The following GALNT17 variants were observed in gnomAD, a reference collection of about 807,000 sequenced individuals.
GALNT17 encodes the protein UDP-GalNAc:polypeptide N-acetylgalactosaminyltransferase-like 3.
GALNT17 carries 29 observed loss-of-function variants against 63.7 expected under a neutral mutation model. The ratio of observed to expected loss-of-function variants is 0.46; its 90% confidence interval spans 0.34 to 0.62. The LOEUF is 0.62. GALNT17 is among the 20% of genes least tolerant of loss of function. GALNT17 has a pLI of 0.01. For missense variants in GALNT17, 603 were observed against 799.6 expected, an observed-to-expected ratio of 0.75 and a Z score of 2.97; for synonymous variants, 305 against 318.3, an observed-to-expected ratio of 0.96 and a Z score of 0.45.
chr7:71,411,548 C>A (rs1206763479), intron 3 of GALNT17, among the ~76,000 whole-genome samples: 1 of 152,118 alleles, frequency 6.6e-6, no homozygotes. Flanking sequence ...TCTTGCACCC[C>A]ACCTCTTCTT....
intron 5 of GALNT17, among the ~76,000 whole-genome samples, chr7:71,448,357 A>ATGTGTGTG (rs113851150): frequency 1.1e-4 from 16 of 147,586 alleles, no homozygotes; most frequent in Admixed American, 2.0e-4. Flanking sequence ...CTTCGTGTGT[A>ATGTGTGTG]TGTGTGTGTG....
chr7:71,237,636 A>G (rs541579759), intron 1 of GALNT17, among the ~76,000 whole-genome samples: 27 of 152,130 alleles, frequency 1.8e-4, no homozygotes, highest in Admixed American at 5.9e-4. Flanking sequence ...TGCGAGTTAT[A>G]ATCAGGCTAT....
intron 5 of GALNT17, among the ~76,000 whole-genome samples, chr7:71,522,453 C>T (rs942084967): frequency 6.6e-6 from 1 of 152,122 alleles, no homozygotes; most frequent in African/African-American, 2.4e-5. Context: ...CAAGGAGGAG[C>T]AAGTCACGTT....
intron 1 of GALNT17, among the ~76,000 whole-genome samples, chr7:71,276,702 T>C (rs1278689973): frequency 1.3e-5 from 2 of 152,142 alleles, no homozygotes; most frequent in Non-Finnish European, 2.9e-5. Flanking sequence ...CTTTTCTTTA[T>C]AAATTACCCA....
At chr7:71,699,171 CAAAAAAA>C (rs59124269) in intron 9 of GALNT17, among the ~76,000 whole-genome samples, 1 of 77,294 alleles carries the variant, frequency 1.3e-5, no homozygotes, top group African/African-American at 4.9e-5. Flanking sequence ...GACTCCATCT[CAAAAAAA>C]AAAAAAAAAA....
chr7:71,476,433 T>C (rs1787723883), intron 5 of GALNT17, among the ~76,000 whole-genome samples: 1 of 150,342 alleles, frequency 6.7e-6, no homozygotes. Context: ...GGTGAAAAAA[T>C]ACTTACTCAC....
intron 5 of GALNT17, among the ~76,000 whole-genome samples, chr7:71,499,777 T>C (rs912303966): frequency 3.9e-5 from 6 of 152,206 alleles, no homozygotes; most frequent in African/African-American, 1.4e-4. Flanking sequence ...TGATATGGTT[T>C]GGCTGTGTCC....
intron 4 of GALNT17, among the ~76,000 whole-genome samples, chr7:71,418,043 G>A (rs1434729250): frequency 1.3e-5 from 2 of 152,154 alleles, no homozygotes; most frequent in African/African-American, 2.4e-5. Context: ...CCCTGGTGCT[G>A]TTCTAGGTTT....
chr7:71,263,558 G>A (rs919327331), intron 1 of GALNT17, among the ~76,000 whole-genome samples: 4 of 152,140 alleles, frequency 2.6e-5, no homozygotes, highest in Non-Finnish European at 5.9e-5. Flanking sequence ...GCCTCCTTGG[G>A]TTTTCCTTGC....
At chr7:71,258,351 A>G (rs1440984809) in intron 1 of GALNT17, among the ~76,000 whole-genome samples, 1 of 152,224 alleles carries the variant, frequency 6.6e-6, no homozygotes, top group African/African-American at 2.4e-5. Context: ...TTCATGCTTC[A>G]TGAAATCTTC....
intron 1 of GALNT17, among the ~76,000 whole-genome samples, chr7:71,315,289 G>T (rs1467369452): frequency 6.6e-6 from 1 of 152,178 alleles, no homozygotes; most frequent in Non-Finnish European, 1.5e-5. Context: ...GGACGTGTGG[G>T]TTGTTTTGAC....
intron 1 of GALNT17, among the ~76,000 whole-genome samples, chr7:71,234,990 C>G (rs1789860412): frequency 6.6e-6 from 1 of 152,106 alleles, no homozygotes; most frequent in Non-Finnish European, 1.5e-5. Context: ...GTGGCTCATG[C>G]CTGTAATCCT....
At chr7:71,649,628 C>T (rs1790727863) in intron 6 of GALNT17, among the ~76,000 whole-genome samples, 1 of 151,984 alleles carries the variant, frequency 6.6e-6, no homozygotes, top group Admixed American at 6.6e-5. Context: ...CACACACACA[C>T]ACACACACAC....
intron 5 of GALNT17, among the ~76,000 whole-genome samples, chr7:71,444,292 G>A (rs1156977717): frequency 6.6e-6 from 1 of 152,134 alleles, no homozygotes; most frequent in Non-Finnish European, 1.5e-5. Flanking sequence ...TTCCTGCCCA[G>A]GGAAAAGCCA....
intron 1 of GALNT17, among the ~76,000 whole-genome samples, chr7:71,286,292 A>AC (rs1335459748): frequency 1.2e-4 from 19 of 152,320 alleles, no homozygotes; most frequent in African/African-American, 4.6e-4. Context: ...TATTTACTAA[A>AC]TCCCCCTGGA....
intron 6 of GALNT17, among the ~76,000 whole-genome samples, chr7:71,630,994 C>T (rs118038434): frequency 8.3e-4 from 127 of 152,278 alleles, no homozygotes; most frequent in East Asian, 7.9e-3. Context: ...GTACCAGGCC[C>T]TATTCTGGCC....
chr7:71,236,846 T>TAG (rs915460819), intron 1 of GALNT17, among the ~76,000 whole-genome samples: 11 of 152,008 alleles, frequency 7.2e-5, no homozygotes, highest in Admixed American at 7.2e-4. Context: ...TCTAAGCCAT[T>TAG]AGAGAGAGAG....
intron 6 of GALNT17, among the ~76,000 whole-genome samples, chr7:71,626,563 C>G (rs1239634203): frequency 1.3e-5 from 2 of 152,154 alleles, no homozygotes; most frequent in Non-Finnish European, 2.9e-5. Context: ...AAGATAATTG[C>G]TCTAGAAGCT....
intron 5 of GALNT17, among the ~76,000 whole-genome samples, chr7:71,432,359 C>T (rs900128656): frequency 3.9e-5 from 6 of 152,190 alleles, no homozygotes; most frequent in African/African-American, 1.4e-4. Context: ...CGGGTTTTTA[C>T]TGTGGGTCAG....
Sources: gnomAD v4.1 joint callset for allele counts (sites outside exome capture counted in the v4.1 genomes callset) on GRCh38, gnomAD v4.1.1 for gene constraint, MANE v1.5 for transcripts, NCBI Gene and HGNC (gene_info 2026-07-23, HGNC 2026-07-21) for gene names.